Variants in SYCP2 observed in about 807,000 individuals in gnomAD.
SYCP2 encodes synaptonemal complex lateral element protein.
In SYCP2, 55 loss-of-function variants were observed where a neutral mutation model predicts 211.3. That is an observed-to-expected ratio of 0.26 (90% CI 0.21 to 0.33). The LOEUF (loss-of-function observed/expected upper bound fraction) is 0.33. Among genes scored for constraint, SYCP2 ranks in the 10% least tolerant of loss-of-function variants. The pLI is 1.00. For missense variants in SYCP2, 1,731 were observed against 1,752.0 expected, an observed-to-expected ratio of 0.99 and a Z score of 0.21; for synonymous variants, 570 against 555.2, an observed-to-expected ratio of 1.03 and a Z score of -0.37.
chr20:59,915,417 A>G, intron 9 of SYCP2, 48 bp downstream of exon 9: 3 of 1,296,878 alleles, frequency 2.3e-6, no homozygotes, highest in Non-Finnish European at 3.3e-6. Flanking sequence ...CTTATAAAAC[A>G]TTCTTATGGA....
At chr20:59,926,596 A>G (rs924910162) in intron 2 of SYCP2, among the ~76,000 whole-genome samples, 16 of 152,118 alleles carry the variant, frequency 1.1e-4, no homozygotes, top group African/African-American at 3.6e-4. Flanking sequence ...AAAAGACCCT[A>G]TTTCCAGAAA....
In SYCP2 at chr20:59,874,003, A is replaced by G; in HGVS notation, c.3408T>C (p.Ser1136=). Residue 1136 remains serine (S), a synonymous_variant, in exon 35 of 45, where the codon TCT becomes TCC. Coordinates refer to ENST00000357552, the MANE Select transcript of SYCP2 (RefSeq NM_014258.4). ...FTQDYDCITK[S]ISPYPKTSSL... ...ATGAAGTTTTTGGATAAGGTGATAT[A>G]GATTTTGTTATGCAGTCATAATCCT... 1 of 1,612,756 alleles carries G rather than the reference A, an allele frequency of 6.2e-7. No individual in the cohort carries two copies. The highest frequency in any genetic ancestry group is 1.1e-5 in the South Asian group (1 of 90,994).
intron 18 of SYCP2, among the ~76,000 whole-genome samples, chr20:59,899,487 AAAG>A (rs1266730430): frequency 3.3e-5 from 5 of 152,200 alleles, no homozygotes; most frequent in Admixed American, 3.3e-4. Flanking sequence ...GCTCTCTAAG[AAAG>A]AAGGCAACAA....
At chr20:59,882,250 C>A (rs1191938718) in intron 26 of SYCP2, 85 bp from the exon 27 acceptor site, 37 of 989,740 alleles carry the variant, frequency 3.7e-5, no homozygotes, top group Middle Eastern at 2.7e-4. Flanking sequence ...AAATGCAAAT[C>A]AAAAAATGAG....
intron 35 of SYCP2, among the ~76,000 whole-genome samples, chr20:59,870,591 G>C (rs6070984): frequency 0.019 from 2,941 of 151,748 alleles, 42 homozygotes; most frequent in Middle Eastern, 0.041. Flanking sequence ...AGATAAGAAA[G>C]ATCAACATCA....
In SYCP2 at chr20:59,919,145, G is replaced by A. The variant is rs1454288899; in HGVS notation, c.427+13C>T. The A allele has an allele frequency of 8.1e-7, 1 of 1,240,788 alleles. No individual in the cohort carries two copies. The highest frequency in any genetic ancestry group is 1.1e-6 in the Non-Finnish European group (1 of 870,990). The allele number at this position is 1,240,788 out of a possible 1,614,324, so 76.9% of individuals were successfully genotyped here. The stretch of plus-strand genomic sequence containing the variant: ...AATTTATTGTTCCAATAGAAAATAA[G>A]TGTTTATTATACCTTCATCACTGAC... On this transcript the variant is annotated intron_variant, in intron 7 of 44. Coordinates refer to ENST00000357552, the MANE Select transcript of SYCP2 (RefSeq NM_014258.4).
intron 2 of SYCP2, among the ~76,000 whole-genome samples, chr20:59,923,023 AC>A (rs2060569895): frequency 6.6e-6 from 1 of 151,946 alleles, no homozygotes; most frequent in African/African-American, 2.4e-5. Flanking sequence ...TGAGGACCTC[AC>A]TTTCCCAAAG....
At chr20:59,925,860 T>C (rs538096765) in intron 2 of SYCP2, among the ~76,000 whole-genome samples, 16 of 151,992 alleles carry the variant, frequency 1.1e-4, no homozygotes, top group African/African-American at 3.6e-4. Flanking sequence ...AGTTCATGAG[T>C]GTTCATTTAG....
intron 34 of SYCP2, 122 bp downstream of exon 34, chr20:59,875,149 A>C (rs1179812870): frequency 8.5e-6 from 5 of 588,110 alleles, no homozygotes; most frequent in Non-Finnish European, 1.1e-5. Context: ...TTAACAATGA[A>C]GTTTTAACTA....
rs80342647 is a variant in SYCP2, at chr20:59,888,894, G to A, written c.2365-2060C>T. 9.7e-3 allele frequency among the ~76,000 whole-genome samples: 1,482 copies of A among 152,036 alleles called. 9 individuals carry two copies. The highest frequency in any genetic ancestry group is 0.017 in the Middle Eastern group (5 of 292). On this transcript the variant is annotated intron_variant, in intron 24 of 44. Transcript: ENST00000357552. ...ACACAATATAATTTACATTAGCACT[G>A]CCGAAAGAAATACTTAGATGTATAT...
intron 39 of SYCP2, 22 bp from the exon 40 acceptor site, chr20:59,866,611 G>T: frequency 6.6e-7 from 1 of 1,508,642 alleles, no homozygotes; most frequent in South Asian, 1.2e-5. Flanking sequence ...TCATTTTTAA[G>T]TTAAAATATC....
chr20:59,874,131 C>G, intron 34 of SYCP2, 70 bp from the exon 35 acceptor site: 1 of 741,748 alleles, frequency 1.3e-6, no homozygotes, highest in Non-Finnish European at 2.0e-6. Flanking sequence ...TTAGAAATAG[C>G]ACGATTAATT....
chr20:59,892,265 G>T lies in SYCP2; in HGVS notation c.2089C>A (p.Gln697Lys), dbSNP rs1448632271. 6.2e-7 allele frequency: 1 copy of T among 1,612,650 alleles called. No homozygotes were observed. The highest frequency in any genetic ancestry group is 8.5e-7 in the Non-Finnish European group (1 of 1,179,148). ...VEVCKKHNQQ[Q>K]NHPKYSGQKN... Reference sequence around the variant, plus strand: ...TGCCCTGAATATTTAGGATGATTTTGTTGCTGATTGTGTTTCTTGCAAACT... The same window carrying T: ...TGCCCTGAATATTTAGGATGATTTTTTTGCTGATTGTGTTTCTTGCAAACT... Residue 697 changes from glutamine to lysine, a missense_variant, in exon 24 of 45, where the codon CAA (glutamine) becomes AAA (lysine). Gln to Lys is a moderately conservative substitution (Grantham distance 53). This residue lies in a region of SYCP2 where 1,387 missense variants were observed against 1,351.3 expected (regional missense o/e 1.03). Coordinates refer to ENST00000357552, the MANE Select transcript of SYCP2 (RefSeq NM_014258.4).
chr20:59,920,398 A>G lies in SYCP2; in HGVS notation c.258T>C (p.Ala86=). 6.2e-7 allele frequency: 1 copy of G among 1,609,912 alleles called. No homozygotes were observed. The highest frequency in any genetic ancestry group is 8.5e-7 in the Non-Finnish European group (1 of 1,177,322). Residue 86 remains alanine, a synonymous_variant, in exon 5 of 45, where the codon GCT becomes GCC. Transcript: ENST00000357552. The part of the protein sequence containing the change: ...CGKNISVLGQ[A]GLLTMIKQGL... ...CTTGTTTTATCATCGTTAGAAGTCC[A>G]GCTTGCCCCAATACACTGATATTTT...
At chr20:59,923,841 G>A (rs1341729916) in intron 2 of SYCP2, among the ~76,000 whole-genome samples, 3 of 151,404 alleles carry the variant, frequency 2.0e-5, no homozygotes, top group African/African-American at 7.3e-5. Context: ...GAGAGAGAGA[G>A]AAACAGAAAG....
At chr20:59,867,612 A>G (rs1600800227) in intron 39 of SYCP2, 99 bp downstream of exon 39, 2 of 1,045,792 alleles carry the variant, frequency 1.9e-6, no homozygotes, top group Non-Finnish European at 2.8e-6. Context: ...ATGAATGGAT[A>G]TTTTGTTGCC....
At chr20:59,876,302 C>T (rs570002685) in intron 33 of SYCP2, among the ~76,000 whole-genome samples, 3 of 127,358 alleles carry the variant, frequency 2.4e-5, no homozygotes, top group East Asian at 2.6e-4. Flanking sequence ...ACACTGGAGG[C>T]GGAGGTTGCA....
intron 38 of SYCP2, 55 bp downstream of exon 38, chr20:59,868,358 A>AT: frequency 6.4e-7 from 1 of 1,561,614 alleles, no homozygotes; most frequent in South Asian, 1.2e-5. Flanking sequence ...CATTCAAAAT[A>AT]TAAGAACCAC....
At chr20:59,924,458 T>C (rs2060596631) in intron 2 of SYCP2, among the ~76,000 whole-genome samples, 1 of 151,970 alleles carries the variant, frequency 6.6e-6, no homozygotes, top group Non-Finnish European at 1.5e-5. Flanking sequence ...TTGCCTCCCC[T>C]ACAACTCCAA....
Sources: gnomAD v4.1 joint callset for allele counts (sites outside exome capture counted in the v4.1 genomes callset) on GRCh38, gnomAD v4.1.1 for gene constraint, gnomAD v4.1.1 regional missense constraint, MANE v1.5 for transcripts, NCBI Gene and HGNC (gene_info 2026-07-23, HGNC 2026-07-21) for gene names.